Variants in NLRP5 observed in about 807,000 individuals in gnomAD.
NLRP5 encodes the protein NACHT, LRR and PYD domains-containing protein 5.
A neutral mutation model predicts 113.1 loss-of-function variants in NLRP5; 93 were observed. The observed-to-expected ratio is 0.82, with a 90% CI of 0.70 to 0.98. The LOEUF (loss-of-function observed/expected upper bound fraction) is 0.98. Ranked by LOEUF, NLRP5 falls within the 50% of genes least tolerant of loss-of-function variation. The pLI is 0.00. For missense variants in NLRP5, 1,808 were observed against 1,514.3 expected, an observed-to-expected ratio of 1.19 and a Z score of -3.22; for synonymous variants, 751 against 600.7, an observed-to-expected ratio of 1.25 and a Z score of -3.66.
intron 2 of NLRP5, among the ~76,000 whole-genome samples, chr19:56,004,638 T>G (rs888101046): frequency 6.6e-6 from 1 of 152,140 alleles, no homozygotes; most frequent in Non-Finnish European, 1.5e-5. Context: ...GGGCTATTGG[T>G]GTCCGTAGTG....
the NLRP5 span, among the ~76,000 whole-genome samples, chr19:55,993,781 C>CT: frequency 0.29 from 43,624 of 150,276 alleles, 7,137 homozygotes; most frequent in East Asian, 0.45. Context: ...GGCTGTAGCT[C>CT]ACATGAAGAG....
the NLRP5 span, among the ~76,000 whole-genome samples, chr19:55,992,955 T>A: frequency 6.6e-6 from 1 of 151,944 alleles, no homozygotes; most frequent in Admixed American, 6.5e-5. Flanking sequence ...GTTCAAGCGA[T>A]TCTCCTGCCT....
intron 11 of NLRP5, among the ~76,000 whole-genome samples, chr19:56,046,399 CGTGTGT>C (rs139653516): frequency 3.4e-5 from 5 of 148,068 alleles, no homozygotes; most frequent in Admixed American, 6.8e-5. Flanking sequence ...TTTGTAGTTT[CGTGTGT>C]GTGTGTGTGT....
the NLRP5 span, among the ~76,000 whole-genome samples, chr19:55,989,705 G>A: frequency 2.0e-5 from 3 of 152,182 alleles, no homozygotes; most frequent in African/African-American, 7.2e-5. Flanking sequence ...TACAGATGGG[G>A]CAACTTTCTG....
chr19:56,054,482 C>G (rs1211169541), intron 13 of NLRP5, among the ~76,000 whole-genome samples: 6 of 150,910 alleles, frequency 4.0e-5, no homozygotes. Context: ...CACTTGAACC[C>G]AGGAGGTGGA....
intron 13 of NLRP5, among the ~76,000 whole-genome samples, chr19:56,056,974 T>C (rs2123344663): frequency 1.3e-5 from 2 of 152,088 alleles, no homozygotes; most frequent in Middle Eastern, 6.8e-3. Flanking sequence ...ACCCCGTCTA[T>C]ACTAAAAATA....
At chr19:56,017,949 A>AT (rs1982470540) in intron 4 of NLRP5, among the ~76,000 whole-genome samples, 1 of 152,134 alleles carries the variant, frequency 6.6e-6, no homozygotes, top group African/African-American at 2.4e-5. Flanking sequence ...TAGTAGCTGT[A>AT]TTTTTTAATA....
chr19:56,011,095 T>C (rs376295640), intron 3 of NLRP5, among the ~76,000 whole-genome samples: 3 of 152,002 alleles, frequency 2.0e-5, no homozygotes, highest in African/African-American at 4.8e-5. Flanking sequence ...TGAGGCTGCA[T>C]TGAGCCATGA....
At chr19:56,028,797 A>G (rs1471467747) in intron 7 of NLRP5, among the ~76,000 whole-genome samples, 1 of 151,944 alleles carries the variant, frequency 6.6e-6, no homozygotes, top group East Asian at 1.9e-4. Flanking sequence ...TCAGAGTCTC[A>G]CTCTGTTGCC....
intron 11 of NLRP5, among the ~76,000 whole-genome samples, chr19:56,043,375 A>G (rs1458973543): frequency 6.6e-6 from 1 of 151,766 alleles, no homozygotes; most frequent in Non-Finnish European, 1.5e-5. Flanking sequence ...AGCCTTTTTC[A>G]TACGTTTGTT....
chr19:55,995,402 C>T (rs1215461090), upstream of NLRP5, among the ~76,000 whole-genome samples: 1 of 152,032 alleles, frequency 6.6e-6, no homozygotes, highest in African/African-American at 2.4e-5. Flanking sequence ...CTGAAAAATA[C>T]ATTAAAAAAG....
intron 3 of NLRP5, among the ~76,000 whole-genome samples, chr19:56,009,150 C>G (rs1280282713): frequency 6.6e-6 from 1 of 151,544 alleles, no homozygotes; most frequent in African/African-American, 2.4e-5. Context: ...ACCAGCCTGG[C>G]CAACATGGTG....
chr19:55,987,714 C>T, the NLRP5 span: 14 of 808,282 alleles, frequency 1.7e-5, no homozygotes, highest in South Asian at 4.4e-5. Context: ...GGGAGGGGTA[C>T]GGTCTGTAGA....
At chr19:56,012,654 C>A in intron 3 of NLRP5, among the ~76,000 whole-genome samples, 1 of 69,274 alleles carries the variant, frequency 1.4e-5, no homozygotes, top group Non-Finnish European at 3.7e-5. Context: ...TAATTTGGAA[C>A]GATCTTACAA....
chr19:55,995,976 A>G (rs1488857325), upstream of NLRP5, among the ~76,000 whole-genome samples: 2 of 152,150 alleles, frequency 1.3e-5, no homozygotes, highest in Non-Finnish European at 2.9e-5. Context: ...TTTATCCAAA[A>G]ATCAACATTT....
chr19:55,994,810 G>A (rs7249598), upstream of NLRP5, among the ~76,000 whole-genome samples: 15 of 152,208 alleles, frequency 9.9e-5, no homozygotes, highest in East Asian at 5.8e-4. Flanking sequence ...AGTCTTAGCC[G>A]CAAAATATTT....
Position 56,028,342 on chromosome 19 carries a change from A to AGCTGT in NLRP5, c.2109_2110insGCTGT (p.Leu704AlafsTer3). The AGCTGT allele has an allele frequency of 6.2e-7, 1 of 1,613,998 alleles. No homozygotes were observed. The highest frequency in any genetic ancestry group is 8.5e-7 in the Non-Finnish European group (1 of 1,179,898). ...AAGACAAAGAGTTTGTTCGCTTGGC[A>AGCTGT]TTAAACAGCTTCCAAGAAGTGTGGC... On this transcript the variant is annotated frameshift_variant, in exon 7 of 15. Coordinates refer to ENST00000390649, the MANE Select transcript of NLRP5 (RefSeq NM_153447.4). LOFTEE classifies it high-confidence loss of function.
intron 1 of NLRP5, 40 bp from the exon 2 acceptor site, chr19:56,003,696 C>T (rs765326692): frequency 4.5e-6 from 7 of 1,561,862 alleles, no homozygotes; most frequent in Admixed American, 3.9e-5. Flanking sequence ...TGAGAATTTG[C>T]TGCAAGATCC....
At chr19:56,017,487 T>A (rs1982453774) in intron 4 of NLRP5, among the ~76,000 whole-genome samples, 1 of 152,216 alleles carries the variant, frequency 6.6e-6, no homozygotes, top group Admixed American at 6.5e-5. Context: ...TTTCCACTCA[T>A]TTCAAAGTAT....
Sources: allele counts gnomAD v4.1 joint callset (sites outside exome capture counted in the v4.1 genomes callset), GRCh38; gene constraint gnomAD v4.1.1; transcripts MANE v1.5; gene names NCBI Gene and HGNC (gene_info 2026-07-23, HGNC 2026-07-21).